The following AGBL1 variants were observed in gnomAD, a reference collection of about 807,000 sequenced individuals.
The protein encoded by AGBL1 is AGBL carboxypeptidase 1.
Under a neutral mutation model 118.9 loss-of-function variants are expected in AGBL1, and 130 were observed. That is an observed-to-expected ratio of 1.09 (90% CI 0.95 to 1.26). The LOEUF is 1.26. AGBL1 is among the 50% of genes most tolerant of loss of function. AGBL1 has a pLI of 0.00. For synonymous variants in AGBL1, 555 were observed against 478.9 expected, an observed-to-expected ratio of 1.16 and a Z score of -2.08; for missense variants, 1,584 against 1,298.1, an observed-to-expected ratio of 1.22 and a Z score of -3.38.
In AGBL1 at chr15:86,309,964, C is replaced by T. The variant is rs2079895355; in HGVS notation, c.2374+14556C>T. On this transcript the variant is annotated intron_variant, in intron 17 of 22. Transcript: ENST00000614907. ...CTTGAAAAATTAGCTTGTAAATGTT[C>T]CCTTGTCTTCAATTTTTTGGGAGAG... is the stretch of plus-strand genomic sequence containing the variant. Among the ~76,000 whole-genome samples, 3 of 152,104 alleles carry T rather than the reference C, an allele frequency of 2.0e-5. No homozygotes were observed. In the South Asian group the frequency reaches 6.2e-4, roughly 32 times the overall value.
chr15:86,551,126 A>T (rs1413654925), intron 20 of AGBL1, among the ~76,000 whole-genome samples: 2 of 152,122 alleles, frequency 1.3e-5, no homozygotes, highest in African/African-American at 4.8e-5. Context: ...TTAGAAATGC[A>T]GAAAGATCTA....
chr15:86,403,287 A>G (rs988185508), intron 18 of AGBL1, among the ~76,000 whole-genome samples: 11 of 152,196 alleles, frequency 7.2e-5, no homozygotes, highest in African/African-American at 2.7e-4. Context: ...GAACCAGGGC[A>G]TATTGATTCT....
At chr15:86,929,895 C>T (rs983502127) in intron 23 of AGBL1, among the ~76,000 whole-genome samples, 3 of 152,196 alleles carry the variant, frequency 2.0e-5, no homozygotes, top group Non-Finnish European at 4.4e-5. Flanking sequence ...GAATATGCCA[C>T]TTCATGGAGG....
chr15:86,616,760 C>A (rs2084733018), intron 21 of AGBL1, among the ~76,000 whole-genome samples: 1 of 152,208 alleles, frequency 6.6e-6, no homozygotes, highest in South Asian at 2.1e-4. Context: ...CAGACATATA[C>A]TTCGCTTGTC....
rs191282632 is a variant in AGBL1, at chr15:86,876,692, A to G, written c.3159-30395A>G. On this transcript the variant is annotated intron_variant, in intron 22 of 22. Transcript: ENST00000614907. ...CATTCAACTCTGCCCTTGTAGCACA[A>G]AAGCAGCCACAGACAATACATGAAC... Among the ~76,000 whole-genome samples the G allele has an allele frequency of 3.9e-5, 6 of 152,312 alleles. No homozygotes were observed. The East Asian group carries it at 1.2e-3, about 29-fold the overall frequency.
At chr15:86,716,173 A>G (rs1304318839) in intron 22 of AGBL1, among the ~76,000 whole-genome samples, 1 of 152,070 alleles carries the variant, frequency 6.6e-6, no homozygotes, top group Non-Finnish European at 1.5e-5. Context: ...TTTCTCCTCC[A>G]TTCCTGGAAT....
chr15:86,980,933 C>CTGGAG (rs1392341535), intron 23 of AGBL1, among the ~76,000 whole-genome samples: 3 of 142,152 alleles, frequency 2.1e-5, no homozygotes, highest in Non-Finnish European at 4.5e-5. Context: ...GTCACCCAGC[C>CTGGAG]TGGAGTGCAG....
chr15:86,805,193 C>CT (rs973430150), intron 22 of AGBL1, among the ~76,000 whole-genome samples: 623 of 146,304 alleles, frequency 4.3e-3, no homozygotes, highest in African/African-American at 0.014. Flanking sequence ...AGGGTTTTTT[C>CT]TTTTTTTTTT....
In AGBL1 at chr15:86,912,027, A is replaced by C. The variant is rs921295195; in HGVS notation, c.*4733A>C. The C allele has an allele frequency of 2.0e-5, 3 of 152,158 alleles. No homozygotes were observed. Among genetic ancestry groups the C allele is most frequent in the Non-Finnish European group, 2.9e-5 (2 of 68,028 alleles). The allele number at this position is 152,158 out of a possible 1,614,324, so 9.4% of individuals were successfully genotyped here. ...CTTAACACATTGCAGGTGTTCAAAA[A>C]TGTGTCTTCCCCTCAGCTTCAAACT... is the stretch of plus-strand genomic sequence containing the variant. On this transcript the variant is annotated 3_prime_UTR_variant, in exon 23 of 23. Transcript: ENST00000614907.
At chr15:86,501,499 G>T (rs773785871) in intron 18 of AGBL1, among the ~76,000 whole-genome samples, 2 of 151,426 alleles carry the variant, frequency 1.3e-5, no homozygotes, top group Non-Finnish European at 3.0e-5. Context: ...TGCTTTTGAT[G>T]TTATATCTAA....
intron 21 of AGBL1, among the ~76,000 whole-genome samples, chr15:86,629,126 C>G (rs1306149784): frequency 6.6e-6 from 1 of 152,192 alleles, no homozygotes; most frequent in African/African-American, 2.4e-5. Flanking sequence ...AGCTGACTAA[C>G]ATCTTCCCAT....
intron 24 of AGBL1, among the ~76,000 whole-genome samples, chr15:87,005,885 T>C (rs1295709251): frequency 1.3e-5 from 2 of 152,192 alleles, no homozygotes; most frequent in Admixed American, 1.3e-4. Flanking sequence ...GTGGATATCT[T>C]TTCTGTTGGT....
intron 21 of AGBL1, among the ~76,000 whole-genome samples, chr15:86,576,030 T>C (rs1446648495): frequency 2.0e-5 from 3 of 152,190 alleles, no homozygotes; most frequent in Non-Finnish European, 4.4e-5. Flanking sequence ...AGAAAATTAG[T>C]GAAATAAACA....
intron 22 of AGBL1, among the ~76,000 whole-genome samples, chr15:86,784,427 G>A (rs1008804837): frequency 6.6e-6 from 1 of 152,118 alleles, no homozygotes; most frequent in East Asian, 1.9e-4. Flanking sequence ...TGCCCCACTG[G>A]TTTTCGGATT....
chr15:86,840,421 C>T (rs145528359), intron 22 of AGBL1, among the ~76,000 whole-genome samples: 2,025 of 152,166 alleles, frequency 0.013, 29 homozygotes, highest in South Asian at 0.064. Flanking sequence ...ATGCTCTGTC[C>T]AAATGCATGT....
intron 21 of AGBL1, among the ~76,000 whole-genome samples, chr15:86,655,577 C>T (rs542826741): frequency 2.6e-5 from 4 of 152,244 alleles, no homozygotes; most frequent in African/African-American, 7.2e-5. Flanking sequence ...CTGTGTACAT[C>T]GTACCTCTAG....
At chr15:86,919,064 C>A (rs544953776), downstream of AGBL1, among the ~76,000 whole-genome samples, 1 of 152,146 alleles carries the variant, frequency 6.6e-6, no homozygotes, top group African/African-American at 2.4e-5. Flanking sequence ...TGCAGACTTA[C>A]GCTCAGAGAT....
At chr15:86,312,502 A>G (rs1195692625) in intron 17 of AGBL1, 1 of 152,250 alleles carries the variant, frequency 6.6e-6, no homozygotes, top group Non-Finnish European at 1.5e-5. Context: ...TCAAGTGATC[A>G]AGTTCTCCCC....
intron 18 of AGBL1, among the ~76,000 whole-genome samples, chr15:86,426,323 AG>A (rs1464991636): frequency 1.3e-5 from 2 of 152,218 alleles, no homozygotes; most frequent in East Asian, 1.9e-4. Flanking sequence ...TTGTTACCAA[AG>A]AAAGGTGTTC....
Sources: gnomAD v4.1 joint callset for allele counts (sites outside exome capture counted in the v4.1 genomes callset) on GRCh38, gnomAD v4.1.1 for gene constraint, MANE v1.5 for transcripts, NCBI Gene and HGNC (gene_info 2026-07-23, HGNC 2026-07-21) for gene names.